The following ST18 variants were observed in gnomAD, a reference collection of about 807,000 sequenced individuals.
ST18 encodes the protein suppression of tumorigenicity 18 protein.
In ST18, 50 loss-of-function variants were observed where a neutral mutation model predicts 110.0. The observed-to-expected ratio is 0.45, with a 90% CI of 0.36 to 0.58. The LOEUF (loss-of-function observed/expected upper bound fraction) is 0.58, where lower values mean the gene tolerates loss of function less well. ST18 is among the 20% of genes least tolerant of loss of function. The pLI, the probability that ST18 is intolerant of heterozygous loss-of-function variation, is 0.00. For synonymous variants in ST18, 461 were observed against 452.4 expected, an observed-to-expected ratio of 1.02 and a Z score of -0.24; for missense variants, 1,306 against 1,280.1, an observed-to-expected ratio of 1.02 and a Z score of -0.31.
chr8:52,240,268 CT>C (rs1484417633), intron 2 of ST18, among the ~76,000 whole-genome samples: 1 of 152,090 alleles, frequency 6.6e-6, no homozygotes, highest in East Asian at 1.9e-4. Context: ...GTTAGAATAT[CT>C]TTTTAATTAT....
chr8:52,183,189 C>G (rs2070577414), intron 8 of ST18, among the ~76,000 whole-genome samples: 1 of 152,146 alleles, frequency 6.6e-6, no homozygotes, highest in South Asian at 2.1e-4. Context: ...AAACAGCAAC[C>G]TCTCTAACTA....
intron 2 of ST18, among the ~76,000 whole-genome samples, chr8:52,384,106 T>C (rs1835620683): frequency 6.6e-6 from 1 of 152,252 alleles, no homozygotes; most frequent in South Asian, 2.1e-4. Flanking sequence ...AGCAAGTCTC[T>C]AAATTAGAGT....
At chr8:52,391,127 G>T (rs1590634038) in intron 2 of ST18, among the ~76,000 whole-genome samples, 1 of 152,280 alleles carries the variant, frequency 6.6e-6, no homozygotes, top group Non-Finnish European at 1.5e-5. Context: ...GGCCCACGCT[G>T]CTTCCTCCCT....
chr8:52,329,835 G>T (rs1808340291), intron 2 of ST18, among the ~76,000 whole-genome samples: 1 of 152,122 alleles, frequency 6.6e-6, no homozygotes, highest in Non-Finnish European at 1.5e-5. Context: ...TTCTATTAGT[G>T]CTTCTCCAGA....
chr8:52,328,239 G>A (rs560330549), intron 2 of ST18, among the ~76,000 whole-genome samples: 2 of 152,202 alleles, frequency 1.3e-5, no homozygotes, highest in South Asian at 2.1e-4. Context: ...ATTCAATCAC[G>A]AGCAGCCTAG....
intron 17 of ST18, among the ~76,000 whole-genome samples, chr8:52,142,139 G>C (rs929612872): frequency 6.6e-6 from 1 of 152,192 alleles, no homozygotes; most frequent in Admixed American, 6.5e-5. Flanking sequence ...GATGCCGAGG[G>C]AAGGGAGGTC....
chr8:52,385,977 C>T (rs1419514717), intron 2 of ST18, among the ~76,000 whole-genome samples: 1 of 152,140 alleles, frequency 6.6e-6, no homozygotes, highest in East Asian at 1.9e-4. Context: ...AGCTTACAGG[C>T]CTCCTATTTC....
chr8:52,361,407 T>A (rs1309909504), intron 2 of ST18, among the ~76,000 whole-genome samples: 2 of 152,016 alleles, frequency 1.3e-5, no homozygotes, highest in Non-Finnish European at 2.9e-5. Flanking sequence ...GATCAAGACA[T>A]ATGGAAGGCA....
chr8:52,134,763 T>G (rs2051283322), intron 19 of ST18, among the ~76,000 whole-genome samples: 1 of 152,206 alleles, frequency 6.6e-6, no homozygotes, highest in Admixed American at 6.5e-5. Flanking sequence ...TCTATTAACA[T>G]TTTTTAGTAA....
At chr8:52,159,868 T>C (rs1469100792) in intron 14 of ST18, among the ~76,000 whole-genome samples, 1 of 152,224 alleles carries the variant, frequency 6.6e-6, no homozygotes, top group East Asian at 1.9e-4. Flanking sequence ...TTCTCTTCAT[T>C]CTTGAGTATT....
At chr8:52,185,792 C>T (rs2071867521) in intron 8 of ST18, among the ~76,000 whole-genome samples, 1 of 152,132 alleles carries the variant, frequency 6.6e-6, no homozygotes, top group Non-Finnish European at 1.5e-5. Context: ...CGAATTTGCA[C>T]TGTAAAATAA....
chr8:52,130,167 A>AGAAAG (rs1586532878), intron 22 of ST18, among the ~76,000 whole-genome samples: 2 of 89,966 alleles, frequency 2.2e-5, no homozygotes, highest in African/African-American at 7.4e-5. Flanking sequence ...AAGAAAGAAA[A>AGAAAG]AGAAAAGAAA....
At chr8:52,279,959 C>G (rs1380718490) in intron 2 of ST18, among the ~76,000 whole-genome samples, 1 of 152,140 alleles carries the variant, frequency 6.6e-6, no homozygotes, top group Middle Eastern at 3.4e-3. Context: ...GTGGGCTAAA[C>G]AGATACCAAT....
rs541872576 is a variant in ST18, at chr8:52,244,649, T to C, written c.-464-14572A>G. Among the ~76,000 whole-genome samples, 19 of 152,344 alleles carry C rather than the reference T, an allele frequency of 1.2e-4. 1 individual carries two copies. The South Asian group carries it at 3.9e-3, about 32-fold the overall frequency. Reference sequence around the variant, plus strand: ...TTCCATTTCCCCAGGTCTGACATTCTGCAGATGACCGCCCTTATTTGTCCC... The same window carrying C: ...TTCCATTTCCCCAGGTCTGACATTCCGCAGATGACCGCCCTTATTTGTCCC... On this transcript the variant is annotated intron_variant, in intron 2 of 25. Transcript: ENST00000689386.
chr8:52,337,256 A>C (rs1456024417), intron 2 of ST18, among the ~76,000 whole-genome samples: 3 of 152,260 alleles, frequency 2.0e-5, no homozygotes, highest in Non-Finnish European at 2.9e-5. Context: ...GGGCTGAGAA[A>C]TACAATAACA....
At chr8:52,131,876 T>G in intron 22 of ST18, 82 bp downstream of exon 22, 1 of 1,336,252 alleles carries the variant, frequency 7.5e-7, no homozygotes, top group South Asian at 1.3e-5. Context: ...CTTTAGGGGG[T>G]TGTTCACAAC....
chr8:52,360,276 A>G (rs1263212810), intron 2 of ST18, among the ~76,000 whole-genome samples: 4 of 152,136 alleles, frequency 2.6e-5, no homozygotes, highest in South Asian at 4.1e-4. Context: ...GCATGTTTAT[A>G]TTAAATACTT....
At chr8:52,186,584 T>C (rs1413436444) in intron 8 of ST18, among the ~76,000 whole-genome samples, 1 of 152,170 alleles carries the variant, frequency 6.6e-6, no homozygotes, top group Non-Finnish European at 1.5e-5. Context: ...AAGAGCCATG[T>C]CCATATATGC....
intron 2 of ST18, among the ~76,000 whole-genome samples, chr8:52,402,525 G>A (rs1055428699): frequency 2.0e-5 from 3 of 152,138 alleles, no homozygotes; most frequent in African/African-American, 7.2e-5. Flanking sequence ...AAGAAGGGGT[G>A]TTCTAGACGC....
Sources: gnomAD v4.1 joint callset for allele counts (sites outside exome capture counted in the v4.1 genomes callset) on GRCh38, gnomAD v4.1.1 for gene constraint, MANE v1.5 for transcripts, NCBI Gene and HGNC (gene_info 2026-07-23, HGNC 2026-07-21) for gene names.